MED27: variants seen among roughly 807,000 people sequenced by gnomAD.
MED27 encodes the protein mediator complex subunit 27.
MED27 carries 30 observed loss-of-function variants against 38.2 expected under a neutral mutation model. The ratio of observed to expected loss-of-function variants is 0.79; its 90% CI spans 0.59 to 1.07. MED27 has a LOEUF of 1.07. Ranked by LOEUF, MED27 falls within the 50% of genes least tolerant of loss-of-function variation. MED27 has a pLI of 0.00. For synonymous variants in MED27, 122 were observed against 153.5 expected, an observed-to-expected ratio of 0.79 and a Z score of 1.52; for missense variants, 289 against 397.5, an observed-to-expected ratio of 0.73 and a Z score of 2.32.
chr9:132,068,503 C>T (rs759556218), intron 2 of MED27, among the ~76,000 whole-genome samples: 2 of 152,100 alleles, frequency 1.3e-5, no homozygotes, highest in Non-Finnish European at 2.9e-5. Flanking sequence ...GGGGAGGCTG[C>T]GGCATTGCCC....
intron 3 of MED27, among the ~76,000 whole-genome samples, chr9:131,992,992 C>T (rs1233827617): frequency 6.6e-6 from 1 of 152,152 alleles, no homozygotes; most frequent in African/African-American, 2.4e-5. Flanking sequence ...GAATAAGATG[C>T]CCAAAGGCAC....
At chr9:131,989,180 G>A (rs1042195826) in intron 3 of MED27, among the ~76,000 whole-genome samples, 5 of 152,300 alleles carry the variant, frequency 3.3e-5, no homozygotes, top group African/African-American at 4.8e-5. Context: ...ATTTGTAGAT[G>A]AAGAAACTAA....
At chr9:131,955,456 C>A (rs989038738) in intron 3 of MED27, among the ~76,000 whole-genome samples, 1 of 151,858 alleles carries the variant, frequency 6.6e-6, no homozygotes, top group Non-Finnish European at 1.5e-5. Context: ...AGAAAAATCA[C>A]CAAAACCAAG....
intron 4 of MED27, among the ~76,000 whole-genome samples, chr9:131,897,378 A>G (rs1829849791): frequency 6.6e-6 from 1 of 152,248 alleles, no homozygotes. Flanking sequence ...CCAACCAGAA[A>G]GGTATGAACA....
At chr9:132,070,183 T>A (rs961664304) in intron 2 of MED27, among the ~76,000 whole-genome samples, 1 of 152,240 alleles carries the variant, frequency 6.6e-6, no homozygotes, top group Non-Finnish European at 1.5e-5. Flanking sequence ...AGAGCCCTGC[T>A]GATAACAAGC....
rs182076657 is a variant in MED27 at position 132,002,225 on chromosome 9, T to C, written c.479+12112A>G. Among the ~76,000 whole-genome samples the C allele has an allele frequency of 1.2e-4, 18 of 152,344 alleles. No homozygotes were observed. The East Asian group carries it at 2.9e-3, about 25-fold the overall frequency. ...CACCACTGCCTCCAAACACAAAGAA[T>C]GTCCAGTTCTTTCCACACTAACCAA... On this transcript the variant is annotated intron_variant, in intron 3 of 7. Coordinates refer to ENST00000292035, the MANE Select transcript of MED27 (RefSeq NM_004269.4).
chr9:132,031,037 A>G (rs1832948543), intron 2 of MED27, among the ~76,000 whole-genome samples: 1 of 152,268 alleles, frequency 6.6e-6, no homozygotes, highest in South Asian at 2.1e-4. Flanking sequence ...GCTGAACTGC[A>G]CTGCAGAATT....
chr9:132,051,440 G>A lies in MED27; in HGVS notation c.348+26002C>T, dbSNP rs1833463456. On this transcript the variant is annotated intron_variant, in intron 2 of 7. Coordinates refer to ENST00000292035, the MANE Select transcript of MED27 (RefSeq NM_004269.4). This position sits in a 1 kb window ranked among gnomAD's most constrained non-coding sequence, Gnocchi z 4.2. ...AGGCTCCCTGTCTCAGAGGCTCTACGTTCTTTCTCACCCCATCACTAGAGC... is the reference window on the plus strand; with the variant it reads ...AGGCTCCCTGTCTCAGAGGCTCTACATTCTTTCTCACCCCATCACTAGAGC... Among the ~76,000 whole-genome samples, 1 of 152,134 alleles carries A rather than the reference G, an allele frequency of 6.6e-6. No individual in the cohort carries two copies. Among genetic ancestry groups the A allele is most frequent in the Admixed American group, 6.5e-5 (1 of 15,282 alleles).
rs1424637798 is a variant in MED27, at chr9:131,982,257, C to A, written c.479+32080G>T. ...GCTTTTGCTTTCGCACTCTTGGGAA[C>A]CCTGAACTGCCACCTAAGAAGTCCA... On this transcript the variant is annotated intron_variant, in intron 3 of 7. Coordinates refer to ENST00000292035, the MANE Select transcript of MED27 (RefSeq NM_004269.4). The surrounding 1 kb of genome is among the most constrained non-coding windows in gnomAD (Gnocchi z 4.3). Among the ~76,000 whole-genome samples, 2 of 152,216 alleles carry A rather than the reference C, an allele frequency of 1.3e-5. No individual in the cohort carries two copies. Among genetic ancestry groups the A allele is most frequent in the Non-Finnish European group, 2.9e-5 (2 of 68,050 alleles).
chr9:132,041,561 T>C (rs1174909596), intron 2 of MED27, among the ~76,000 whole-genome samples: 2 of 152,222 alleles, frequency 1.3e-5, no homozygotes, highest in Non-Finnish European at 2.9e-5. Flanking sequence ...TGTCGGGCAC[T>C]GCAAGCACAG....
chr9:131,938,787 C>T (rs1589223032), intron 4 of MED27, among the ~76,000 whole-genome samples: 1 of 151,184 alleles, frequency 6.6e-6, no homozygotes, highest in African/African-American at 2.4e-5. Context: ...GATCTCGGCT[C>T]ACTGCAAGCT....
At position 131,966,522 on chromosome 9, in the gene MED27, G is replaced by C. The variant is rs1589239069; in HGVS notation, c.480-27048C>G. ...TGAATTTCAGGTTACATGCTATATG[G>C]CTAAAAACCCAATGTTATCCCTAAC... On this transcript the variant is annotated intron_variant, in intron 3 of 7. Transcript: ENST00000292035. 3.3e-5 allele frequency among the ~76,000 whole-genome samples: 5 copies of C among 152,108 alleles called. No individual in the cohort carries two copies. In the Middle Eastern group the frequency reaches 0.017, roughly 517 times the overall value.
chr9:131,934,360 A>T (rs535550198), intron 4 of MED27, among the ~76,000 whole-genome samples: 1 of 152,150 alleles, frequency 6.6e-6, no homozygotes, highest in Non-Finnish European at 1.5e-5. Context: ...TGGATCTGCA[A>T]TATTACTGAA....
At chr9:131,985,776 AG>A (rs1831836528) in intron 3 of MED27, among the ~76,000 whole-genome samples, 2 of 151,982 alleles carry the variant, frequency 1.3e-5, no homozygotes, top group Admixed American at 1.3e-4. Context: ...GTCCTTCAGG[AG>A]GGATCCAGAA....
At chr9:132,040,212 T>C (rs1378429911) in intron 2 of MED27, among the ~76,000 whole-genome samples, 3 of 152,216 alleles carry the variant, frequency 2.0e-5, no homozygotes, top group Non-Finnish European at 4.4e-5. Flanking sequence ...TAAACAAAGC[T>C]GCTGCCAGCC....
chr9:131,971,710 G>A (rs750078661), intron 3 of MED27, among the ~76,000 whole-genome samples: 9 of 152,198 alleles, frequency 5.9e-5, no homozygotes, highest in Non-Finnish European at 1.2e-4. Context: ...TAGACTGGGA[G>A]TGGGGGGCGG....
chr9:131,956,593 TGACA>T (rs1486515373), intron 3 of MED27, among the ~76,000 whole-genome samples: 2 of 145,654 alleles, frequency 1.4e-5, no homozygotes, highest in Admixed American at 7.0e-5. Context: ...TCCAGCTGGG[TGACA>T]GAGTGAGACT....
At chr9:131,895,444 C>T (rs573083018) in intron 4 of MED27, among the ~76,000 whole-genome samples, 2 of 152,150 alleles carry the variant, frequency 1.3e-5, no homozygotes, top group Non-Finnish European at 2.9e-5. Flanking sequence ...TCTAATCACC[C>T]CTTCCTTATA....
rs150274847 is a variant in MED27 at position 131,864,798 on chromosome 9, C to G, written c.724-1658G>C. ...CCCCTGGCCTCTTATGGGGGCCTCT[C>G]TAAGCCTCAGTTTCCCCTTCCATAA... On this transcript the variant is annotated intron_variant, in intron 6 of 7. Transcript: ENST00000292035. 1.7e-3 allele frequency among the ~76,000 whole-genome samples: 258 copies of G among 152,372 alleles called. 1 individual carries two copies. The highest frequency in any genetic ancestry group is 5.8e-3 in the African/African-American group (242 of 41,590).
Sources: gnomAD v4.1 joint callset for allele counts (sites outside exome capture counted in the v4.1 genomes callset) on GRCh38, gnomAD v4.1.1 for gene constraint, Gnocchi (gnomAD v3.1) non-coding constraint, MANE v1.5 for transcripts, NCBI Gene and HGNC (gene_info 2026-07-23, HGNC 2026-07-21) for gene names.